DOCK4: variants seen among roughly 807,000 people sequenced by gnomAD.
DOCK4 encodes the protein dedicator of cytokinesis 4, also known as dedicator of cytokinesis protein 4.
In DOCK4, 97 loss-of-function variants were observed where a neutral mutation model predicts 268.1. The observed-to-expected ratio is 0.36, with a 90% CI of 0.31 to 0.43. The LOEUF is 0.43. Among genes scored for constraint, DOCK4 ranks in the 20% least tolerant of loss-of-function variants. The pLI, the probability that DOCK4 is intolerant of heterozygous loss-of-function variation, is 1.00. For synonymous variants in DOCK4, 954 were observed against 887.2 expected (o/e 1.08, Z -1.34); for missense variants, 2,145 against 2,455.7 (o/e 0.87, Z 2.67).
intron 23 of DOCK4, among the ~76,000 whole-genome samples, chr7:111,861,021 A>C (rs574676102): frequency 1.3e-5 from 2 of 152,312 alleles, no homozygotes; most frequent in East Asian, 3.9e-4. Flanking sequence ...GTGTGGGAGA[A>C]ATATGGCAGA....
At chr7:112,002,454 A>G (rs1800503955) in intron 2 of DOCK4, among the ~76,000 whole-genome samples, 1 of 152,236 alleles carries the variant, frequency 6.6e-6, no homozygotes, top group African/African-American at 2.4e-5. Flanking sequence ...ATTTATCTGT[A>G]TACAAAGTAG....
chr7:112,024,466 G>A (rs886877542), intron 1 of DOCK4, among the ~76,000 whole-genome samples: 6 of 152,012 alleles, frequency 3.9e-5, no homozygotes, highest in Non-Finnish European at 5.9e-5. Context: ...ATGCATTCCC[G>A]GCTGCTCAGG....
At chr7:111,932,712 T>C (rs1343059354) in intron 12 of DOCK4, among the ~76,000 whole-genome samples, 1 of 152,178 alleles carries the variant, frequency 6.6e-6, no homozygotes, top group East Asian at 1.9e-4. Context: ...TGATGGGTAT[T>C]TTACATTCTT....
chr7:112,196,082 G>T, intron 1 of DOCK4, among the ~76,000 whole-genome samples: 1 of 152,096 alleles, frequency 6.6e-6, no homozygotes, highest in Non-Finnish European at 1.5e-5. Context: ...TCCAGATTTA[G>T]TTGCCTTCCC....
At chr7:112,125,239 C>G (rs1291957635) in intron 1 of DOCK4, among the ~76,000 whole-genome samples, 1 of 152,198 alleles carries the variant, frequency 6.6e-6, no homozygotes, top group Non-Finnish European at 1.5e-5. Context: ...ACAATGCTCC[C>G]CCCCTGCCCC....
At chr7:111,924,392 C>G (rs1793423641) in intron 12 of DOCK4, among the ~76,000 whole-genome samples, 1 of 152,156 alleles carries the variant, frequency 6.6e-6, no homozygotes, top group African/African-American at 2.4e-5. Context: ...GTAGCCTACC[C>G]TCTCCTGGTG....
At chr7:111,926,930 G>C (rs570103768) in intron 12 of DOCK4, among the ~76,000 whole-genome samples, 3 of 151,824 alleles carry the variant, frequency 2.0e-5, no homozygotes, top group African/African-American at 7.3e-5. Context: ...AAAGAACGGA[G>C]GAAGGAAGAC....
intron 1 of DOCK4, among the ~76,000 whole-genome samples, chr7:112,121,263 T>C (rs556183252): frequency 6.6e-6 from 1 of 152,318 alleles, no homozygotes; most frequent in East Asian, 1.9e-4. Context: ...AGATATGATA[T>C]TTTCTGTATC....
chr7:112,100,640 A>G (rs1169304822), intron 1 of DOCK4, among the ~76,000 whole-genome samples: 2 of 152,238 alleles, frequency 1.3e-5, no homozygotes, highest in African/African-American at 2.4e-5. Context: ...AAGATTGCAT[A>G]TATCAAAGTG....
intron 17 of DOCK4, among the ~76,000 whole-genome samples, chr7:111,874,653 T>G (rs1037060221): frequency 6.6e-6 from 1 of 152,202 alleles, no homozygotes; most frequent in Non-Finnish European, 1.5e-5. Context: ...AAATACCAAT[T>G]TCTACATTCC....
chr7:112,081,692 T>G (rs541104087), intron 1 of DOCK4, among the ~76,000 whole-genome samples: 1 of 152,170 alleles, frequency 6.6e-6, no homozygotes, highest in African/African-American at 2.4e-5. Flanking sequence ...CCAGTGCCCG[T>G]CAATACTCCA....
chr7:112,007,518 G>A (rs534692664), intron 1 of DOCK4, among the ~76,000 whole-genome samples: 7 of 152,244 alleles, frequency 4.6e-5, no homozygotes, highest in African/African-American at 1.4e-4. Flanking sequence ...TTCTAAAATG[G>A]CAAGTCACTC....
chr7:112,057,420 A>T (rs1262631719), intron 1 of DOCK4, among the ~76,000 whole-genome samples: 2 of 151,966 alleles, frequency 1.3e-5, no homozygotes, highest in East Asian at 3.9e-4. Flanking sequence ...GGCATTTGGC[A>T]GGTGCCTGTA....
chr7:112,157,342 TCCTGC>T (rs1258866248), intron 1 of DOCK4, among the ~76,000 whole-genome samples: 11 of 152,198 alleles, frequency 7.2e-5, no homozygotes, highest in Middle Eastern at 3.4e-3. Context: ...ATTTTCCCCT[TCCTGC>T]CCTGGACATG....
intron 8 of DOCK4, among the ~76,000 whole-genome samples, chr7:111,950,387 T>C (rs958071191): frequency 9.2e-5 from 14 of 152,236 alleles, no homozygotes; most frequent in African/African-American, 3.4e-4. Flanking sequence ...TTTGTAAACT[T>C]AAAAAATGTC....
chr7:112,090,650 G>C (rs963511415), intron 1 of DOCK4, among the ~76,000 whole-genome samples: 12 of 152,126 alleles, frequency 7.9e-5, no homozygotes, highest in African/African-American at 2.7e-4. Context: ...TGAAAGATTA[G>C]ACAGATTATT....
At chr7:112,193,125 G>A (rs1820124097) in intron 1 of DOCK4, among the ~76,000 whole-genome samples, 3 of 152,106 alleles carry the variant, frequency 2.0e-5, no homozygotes, top group South Asian at 4.2e-4. Flanking sequence ...GTCACCCTAG[G>A]TTTTTATAAA....
At chr7:112,040,571 C>G (rs918670129) in intron 1 of DOCK4, among the ~76,000 whole-genome samples, 3 of 152,056 alleles carry the variant, frequency 2.0e-5, no homozygotes, top group African/African-American at 7.2e-5. Flanking sequence ...CCAACACACA[C>G]AGCTCAAAAA....
intron 1 of DOCK4, among the ~76,000 whole-genome samples, chr7:112,096,812 C>T (rs1369416133): frequency 6.6e-6 from 1 of 152,076 alleles, no homozygotes; most frequent in African/African-American, 2.4e-5. Flanking sequence ...ACAAGCCAAG[C>T]CAGTATGGAG....
Sources: allele counts gnomAD v4.1 joint callset (sites outside exome capture counted in the v4.1 genomes callset), GRCh38; gene constraint gnomAD v4.1.1; transcripts MANE v1.5; gene names NCBI Gene and HGNC (gene_info 2026-07-23, HGNC 2026-07-21).